The following TUSC3 variants were observed in gnomAD, a reference collection of about 807,000 sequenced individuals.
TUSC3 encodes dolichyl-diphosphooligosaccharide--protein glycosyltransferase subunit TUSC3.
In TUSC3, 45 loss-of-function variants were observed where a neutral mutation model predicts 44.8. That is an observed-to-expected ratio of 1.00 (90% CI 0.79 to 1.29). The LOEUF (loss-of-function observed/expected upper bound fraction) is 1.29. TUSC3 is among the 50% of genes most tolerant of loss of function. The probability of loss-of-function intolerance (pLI) is 0.00; values close to 1 mark genes in which losing one functional copy is unlikely to be tolerated. For synonymous variants in TUSC3, 212 were observed against 152.9 expected (o/e 1.39, Z -2.85); for missense variants, 519 against 437.9 (o/e 1.19, Z -1.65).
intron 6 of TUSC3, among the ~76,000 whole-genome samples, chr8:15,712,711 A>G (rs1006641080): frequency 6.6e-6 from 1 of 152,080 alleles, no homozygotes; most frequent in Admixed American, 6.6e-5. Flanking sequence ...AGAAAGTCAG[A>G]AATAACGTTT....
At chr8:15,840,515 G>A in the TUSC3 span, among the ~76,000 whole-genome samples, 2 of 152,086 alleles carry the variant, frequency 1.3e-5, no homozygotes, top group Admixed American at 1.3e-4. Context: ...GTTCAAAGAT[G>A]AAATTATTTT....
At chr8:15,495,173 A>G (rs1312454319) in intron 2 of TUSC3, among the ~76,000 whole-genome samples, 1 of 152,104 alleles carries the variant, frequency 6.6e-6, no homozygotes, top group African/African-American at 2.4e-5. Context: ...ATTTAGGTTG[A>G]TTTACGTATC....
At chr8:15,614,894 AAGTATAC>A in intron 1 of TUSC3, among the ~76,000 whole-genome samples, 1 of 150,878 alleles carries the variant, frequency 6.6e-6, no homozygotes, top group South Asian at 2.1e-4. Flanking sequence ...TATATAGTGA[AAGTATAC>A]AAGTACAGCT....
intron 2 of TUSC3, 40 bp from the exon 3 acceptor site, chr8:15,650,657 G>C (rs1371434429): frequency 4.5e-6 from 7 of 1,560,788 alleles, no homozygotes; most frequent in Middle Eastern, 1.7e-4. Flanking sequence ...AGATGCTTCA[G>C]TACTGATGTG....
At chr8:15,501,153 T>A (rs1800959542) in intron 2 of TUSC3, among the ~76,000 whole-genome samples, 1 of 152,188 alleles carries the variant, frequency 6.6e-6, no homozygotes, top group Non-Finnish European at 1.5e-5. Context: ...TCCTTCATCC[T>A]GACCTTTAAC....
At chr8:15,823,636 C>A in the TUSC3 span, among the ~76,000 whole-genome samples, 1 of 152,042 alleles carries the variant, frequency 6.6e-6, no homozygotes, top group Non-Finnish European at 1.5e-5. Flanking sequence ...TAAAATAAGT[C>A]TTTGACAAAG....
At chr8:15,513,630 T>C (rs1169117461) in intron 2 of TUSC3, among the ~76,000 whole-genome samples, 16 of 152,150 alleles carry the variant, frequency 1.1e-4, no homozygotes, top group Non-Finnish European at 2.9e-5. Context: ...GTCAAGTGCT[T>C]TGTTTTAGGA....
chr8:15,678,198 C>G lies in TUSC3; in HGVS notation c.798+4362C>G, dbSNP rs180779886. ...TACGCCAGATCTCATCAGCCATTTG[C>G]TGAGTGCTGTTCTCTTGGCAAAGTT... On this transcript the variant is annotated intron_variant, in intron 6 of 10. Transcript: ENST00000503731. 4.6e-3 allele frequency among the ~76,000 whole-genome samples: 699 copies of G among 152,278 alleles called. 5 individuals carry two copies. Among genetic ancestry groups the G allele is most frequent in the African/African-American group, 0.016 (673 of 41,556 alleles).
At chr8:15,799,162 G>C in the TUSC3 span, among the ~76,000 whole-genome samples, 5 of 151,964 alleles carry the variant, frequency 3.3e-5, no homozygotes, top group Non-Finnish European at 7.4e-5. Context: ...GTGTAGGGTT[G>C]TCTTAAGTGG....
At chr8:15,570,957 T>A in intron 1 of TUSC3, among the ~76,000 whole-genome samples, 1 of 92,522 alleles carries the variant, frequency 1.1e-5, no homozygotes, top group Non-Finnish European at 2.0e-5. Context: ...CCTATTAGTT[T>A]TTTTTTTTTT....
intron 1 of TUSC3, among the ~76,000 whole-genome samples, chr8:15,418,050 C>A (rs556005928): frequency 1.3e-5 from 2 of 152,124 alleles, no homozygotes; most frequent in Non-Finnish European, 2.9e-5. Flanking sequence ...TAGACAGTTA[C>A]GAGAATTTCA....
At chr8:15,851,984 C>G in the TUSC3 span, among the ~76,000 whole-genome samples, 1 of 152,086 alleles carries the variant, frequency 6.6e-6, no homozygotes, top group Non-Finnish European at 1.5e-5. Flanking sequence ...CATTTTTTCT[C>G]TTGTCTCCCG....
rs561500671 is a variant in TUSC3 at position 15,551,067 on chromosome 8, C to T, written c.138+10499C>T. On this transcript the variant is annotated intron_variant, in intron 1 of 10. Transcript: ENST00000503731. ...TGTGTTCTTGGGAAAGTCACTTAAC[C>T]GTTTGGAGCAGCAGTTGTCCTCAAA... Among the ~76,000 whole-genome samples, 21 of 151,754 alleles carry T rather than the reference C, an allele frequency of 1.4e-4. 1 individual carries two copies. In the South Asian group the frequency reaches 1.5e-3, roughly 11 times the overall value.
chr8:15,738,371 T>C (rs1295014042), intron 7 of TUSC3, among the ~76,000 whole-genome samples: 1 of 152,224 alleles, frequency 6.6e-6, no homozygotes, highest in Non-Finnish European at 1.5e-5. Flanking sequence ...TACAGTTTTT[T>C]TGACATCACC....
chr8:15,737,307 T>A (rs1368464687), intron 7 of TUSC3, among the ~76,000 whole-genome samples: 1 of 152,176 alleles, frequency 6.6e-6, no homozygotes, highest in Non-Finnish European at 1.5e-5. Context: ...GAAAACATCT[T>A]GATTCCATTC....
chr8:15,845,744 C>T, the TUSC3 span, among the ~76,000 whole-genome samples: 24 of 152,130 alleles, frequency 1.6e-4, no homozygotes, highest in Non-Finnish European at 3.1e-4. Context: ...AAGCCCTCTA[C>T]TCATTTCCAC....
At chr8:15,709,215 G>A (rs1016144036) in intron 6 of TUSC3, among the ~76,000 whole-genome samples, 1 of 151,794 alleles carries the variant, frequency 6.6e-6, no homozygotes, top group Admixed American at 6.6e-5. Flanking sequence ...TGTATTCACT[G>A]CACAAATAAT....
At chr8:15,540,152 C>CG, upstream of TUSC3, 1 of 405,558 alleles carries the variant, frequency 2.5e-6, no homozygotes. Flanking sequence ...AGGCAAGCTC[C>CG]GGGCGGGAGC....
chr8:15,784,522 A>G, the TUSC3 span, among the ~76,000 whole-genome samples: 2 of 152,070 alleles, frequency 1.3e-5, no homozygotes, highest in African/African-American at 4.8e-5. Flanking sequence ...GTGTGCATAT[A>G]TATATATACA....
Sources: gnomAD v4.1 joint callset for allele counts (sites outside exome capture counted in the v4.1 genomes callset) on GRCh38, gnomAD v4.1.1 for gene constraint, MANE v1.5 for transcripts, NCBI Gene and HGNC (gene_info 2026-07-23, HGNC 2026-07-21) for gene names.